Variants in COL14A1 observed in about 807,000 individuals in gnomAD.
The protein encoded by COL14A1 is collagen type XIV alpha 1 chain.
A neutral mutation model predicts 230.3 loss-of-function variants in COL14A1; 136 were observed. That is an observed-to-expected ratio of 0.59 (90% CI 0.51 to 0.68). COL14A1 has a LOEUF of 0.68. COL14A1 is among the 30% of genes least tolerant of loss of function. The pLI is 0.00. For synonymous variants in COL14A1, 792 were observed against 784.1 expected, an observed-to-expected ratio of 1.01 and a Z score of -0.17; for missense variants, 1,976 against 2,215.8, an observed-to-expected ratio of 0.89 and a Z score of 2.17.
chr8:120,338,928 C>A (rs1213118482), intron 42 of COL14A1, among the ~76,000 whole-genome samples: 2 of 152,086 alleles, frequency 1.3e-5, no homozygotes, highest in African/African-American at 4.8e-5. Context: ...ATTTGTGAAG[C>A]CTAAGAAATG....
intron 3 of COL14A1, among the ~76,000 whole-genome samples, 156 bp from the exon 4 acceptor site, chr8:120,162,270 C>T (rs985048817): frequency 2.6e-5 from 4 of 152,158 alleles, no homozygotes; most frequent in Non-Finnish European, 4.4e-5. Context: ...TCATGATGTA[C>T]ACTCTAAATA....
At chr8:120,165,449 G>C (rs1157417884) in intron 4 of COL14A1, among the ~76,000 whole-genome samples, 2 of 152,202 alleles carry the variant, frequency 1.3e-5, no homozygotes, top group Non-Finnish European at 2.9e-5. Flanking sequence ...GCCACAAGCA[G>C]CTCAACCACT....
At chr8:120,287,370 C>G (rs1012649944) in intron 33 of COL14A1, among the ~76,000 whole-genome samples, 9 of 152,146 alleles carry the variant, frequency 5.9e-5, no homozygotes, top group Non-Finnish European at 1.3e-4. Context: ...ACATTGTTTA[C>G]TCACCAAATT....
intron 22 of COL14A1, among the ~76,000 whole-genome samples, chr8:120,253,121 T>A (rs1435947502): frequency 6.6e-6 from 1 of 152,176 alleles, no homozygotes; most frequent in Non-Finnish European, 1.5e-5. Flanking sequence ...TCCTTAGTTA[T>A]ACCACAGCAT....
chr8:120,254,966 T>C (rs1012681914), intron 22 of COL14A1, among the ~76,000 whole-genome samples: 7 of 152,156 alleles, frequency 4.6e-5, no homozygotes, highest in African/African-American at 1.4e-4. Context: ...CACTCCAGCC[T>C]GGGCTACAGA....
chr8:120,283,629 T>C lies in COL14A1; in HGVS notation c.3825-7T>C, dbSNP rs373421176. 8 of 1,587,858 alleles carry C rather than the reference T, an allele frequency of 5.0e-6. No individual in the cohort carries two copies. The African/African-American group carries it at 1.1e-4, about 22-fold the overall frequency. On this transcript the variant is annotated splice_polypyrimidine_tract_variant and splice_region_variant and intron_variant, in intron 31 of 47. Coordinates refer to ENST00000297848, the MANE Select transcript of COL14A1 (RefSeq NM_021110.4). ...ACAATGAAACATGGTTTTCTTTCTA[T>C]GTTCAGGTACTTGCACCCAGAAGGA...
intron 5 of COL14A1, among the ~76,000 whole-genome samples, chr8:120,193,394 C>T (rs982805560): frequency 5.9e-5 from 9 of 152,170 alleles, no homozygotes; most frequent in African/African-American, 9.7e-5. Flanking sequence ...GCTGTCTGAT[C>T]GTTCCTCTGG....
chr8:120,245,563 CA>C (rs1818735790), intron 20 of COL14A1, among the ~76,000 whole-genome samples: 1 of 152,164 alleles, frequency 6.6e-6, no homozygotes, highest in Middle Eastern at 3.4e-3. Context: ...AAACAGTGAC[CA>C]TTTTTTTTTA....
chr8:120,350,708 C>A (rs928512984), intron 45 of COL14A1, among the ~76,000 whole-genome samples: 3 of 144,976 alleles, frequency 2.1e-5, no homozygotes, highest in Non-Finnish European at 4.6e-5. Flanking sequence ...ATATATGCAC[C>A]CAATACAGGA....
At chr8:120,148,555 T>C (rs1815173329) in intron 2 of COL14A1, among the ~76,000 whole-genome samples, 1 of 152,218 alleles carries the variant, frequency 6.6e-6, no homozygotes. Flanking sequence ...TAAAGCCCTA[T>C]TTTTACAGCT....
intron 5 of COL14A1, among the ~76,000 whole-genome samples, chr8:120,187,306 CAT>C (rs1170347778): frequency 1.3e-5 from 2 of 152,152 alleles, no homozygotes; most frequent in African/African-American, 4.8e-5. Context: ...CTTGCCCCCA[CAT>C]AGAGTTACTC....
intron 23 of COL14A1, among the ~76,000 whole-genome samples, chr8:120,256,734 A>G (rs1012371208): frequency 3.3e-5 from 5 of 152,222 alleles, no homozygotes; most frequent in South Asian, 2.1e-4. Flanking sequence ...TATGTTTCCT[A>G]TATTTCTTTA....
At chr8:120,340,521 A>G (rs930869593) in intron 42 of COL14A1, among the ~76,000 whole-genome samples, 1 of 152,076 alleles carries the variant, frequency 6.6e-6, no homozygotes, top group Non-Finnish European at 1.5e-5. Context: ...AATTCCATTC[A>G]CTCTCCTTTT....
chr8:120,140,985 A>C (rs757402088), intron 1 of COL14A1, among the ~76,000 whole-genome samples: 25 of 152,212 alleles, frequency 1.6e-4, no homozygotes, highest in Non-Finnish European at 3.1e-4. Flanking sequence ...AGCCATTTCT[A>C]ACATGACGTT....
At chr8:120,272,776 C>T (rs1819710335) in intron 26 of COL14A1, among the ~76,000 whole-genome samples, 1 of 151,706 alleles carries the variant, frequency 6.6e-6, no homozygotes, top group African/African-American at 2.4e-5. Context: ...GGACTTAACT[C>T]TGGAGCTCCC....
intron 5 of COL14A1, among the ~76,000 whole-genome samples, chr8:120,176,379 A>G (rs1586739930): frequency 6.6e-6 from 1 of 152,140 alleles, no homozygotes; most frequent in Non-Finnish European, 1.5e-5. Context: ...TTATGCAGTC[A>G]TTATGGTTGA....
intron 45 of COL14A1, among the ~76,000 whole-genome samples, chr8:120,349,136 C>T (rs1282002585): frequency 6.6e-6 from 1 of 152,170 alleles, no homozygotes; most frequent in Non-Finnish European, 1.5e-5. Flanking sequence ...ACTGAAACCT[C>T]ACATGGCAGG....
intron 45 of COL14A1, among the ~76,000 whole-genome samples, chr8:120,365,324 C>T (rs868739841): frequency 2.9e-4 from 44 of 152,292 alleles, no homozygotes; most frequent in African/African-American, 9.6e-4. Flanking sequence ...TCGTGAGAGG[C>T]CACTGAGTCA....
rs145708206 is a variant in COL14A1, at chr8:120,225,213, C to T, written c.1863C>T (p.Thr621=). 870 of 1,610,606 alleles carry T rather than the reference C, an allele frequency of 5.4e-4. 1 individual carries two copies. The highest frequency in any genetic ancestry group is 1.3e-3 in the South Asian group (120 of 90,422). The change falls in exon 15 of 48, where the codon ACC becomes ACT. Residue 621 remains threonine, a splice_region_variant and synonymous_variant. Transcript: ENST00000297848. ...AGCCTCTGACTGGAGTTTTTACCAC[C>T]GGTAAGCAGCCTCATTATGGTTTGA... ...QSEPLTGVFT[T]EEVPAQQYLE...
Sources: gnomAD v4.1 joint callset for allele counts (sites outside exome capture counted in the v4.1 genomes callset) on GRCh38, gnomAD v4.1.1 for gene constraint, MANE v1.5 for transcripts, NCBI Gene and HGNC (gene_info 2026-07-23, HGNC 2026-07-21) for gene names.